Variants in BUB1B observed in about 807,000 individuals in gnomAD.
The protein encoded by BUB1B is mitotic checkpoint serine/threonine-protein kinase BUB1 beta.
Under a neutral mutation model 137.7 loss-of-function variants are expected in BUB1B, and 86 were observed. That is an observed-to-expected ratio of 0.62 (90% confidence interval 0.52 to 0.75). The LOEUF (loss-of-function observed/expected upper bound fraction) is 0.75. Among genes scored for constraint, BUB1B ranks in the 30% least tolerant of loss-of-function variants. The pLI, the probability that BUB1B is intolerant of heterozygous loss-of-function variation, is 0.00. For missense variants in BUB1B, 1,130 were observed against 1,236.9 expected, an observed-to-expected ratio of 0.91 and a Z score of 1.30; for synonymous variants, 420 against 417.9, an observed-to-expected ratio of 1.00 and a Z score of -0.06.
chr15:40,166,530 CG>C (rs1022795865), intron 2 of BUB1B: 2 of 280,600 alleles, frequency 7.1e-6, no homozygotes, highest in African/African-American at 4.7e-5. Context: ...TTAGTAGAGA[CG>C]GGGTTTCACC....
intron 9 of BUB1B, among the ~76,000 whole-genome samples, chr15:40,197,277 T>A (rs1436491810): frequency 6.6e-6 from 1 of 152,196 alleles, no homozygotes; most frequent in Non-Finnish European, 1.5e-5. Flanking sequence ...ATATTCGTAT[T>A]GTTTTTTAAA....
intron 22 of BUB1B, among the ~76,000 whole-genome samples, chr15:40,219,234 T>G (rs1195093583): frequency 6.6e-6 from 1 of 152,158 alleles, no homozygotes; most frequent in Admixed American, 6.5e-5. Flanking sequence ...ATAGCAATTA[T>G]TACCAAAAGT....
intron 4 of BUB1B, among the ~76,000 whole-genome samples, chr15:40,172,768 C>T (rs1013589024): frequency 5.9e-5 from 9 of 152,148 alleles, no homozygotes; most frequent in African/African-American, 2.2e-4. Context: ...ATCTTGATTT[C>T]CTCAGGACAT....
Position 40,221,121 on chromosome 15 carries a change from A to G in BUB1B, c.*362A>G, listed in dbSNP as rs1339198697. 3.2e-6 allele frequency: 1 copy of G among 313,888 alleles called. No homozygotes were observed. The highest frequency in any genetic ancestry group is 6.0e-6 in the Non-Finnish European group (1 of 166,294). The allele number at this position is 313,888 out of a possible 1,614,324, so 19.4% of individuals were successfully genotyped here. ...TGTAAATAATAAAATAGTATCTGTT[A>G]AATTTGTGCTTCTAACATGTCATGT... On this transcript the variant is annotated 3_prime_UTR_variant, in exon 23 of 23. Transcript: ENST00000287598.
At chr15:40,188,541 C>G (rs1014978115) in intron 8 of BUB1B, among the ~76,000 whole-genome samples, 6 of 151,476 alleles carry the variant, frequency 4.0e-5, no homozygotes, top group African/African-American at 1.5e-4. Flanking sequence ...GTAGCAGTAA[C>G]CATTATGCTT....
At chr15:40,219,537 G>A (rs1566831242) in intron 22 of BUB1B, among the ~76,000 whole-genome samples, 1 of 152,082 alleles carries the variant, frequency 6.6e-6, no homozygotes, top group Non-Finnish European at 1.5e-5. Flanking sequence ...GGGCAACATG[G>A]CGAAACCTTG....
At position 40,179,984 on chromosome 15, in the gene BUB1B, A is replaced by C. The variant is rs1014232651; in HGVS notation, c.581+3311A>C. 5.4e-4 allele frequency among the ~76,000 whole-genome samples: 80 copies of C among 147,992 alleles called. 2 individuals are homozygous for C. The highest frequency in any genetic ancestry group is 2.0e-3 in the African/African-American group (79 of 38,752). ...TCAAAAGCCATATATATATATATAT[A>C]TATATCTCTTAAATAACTTAGGAAA... On this transcript the variant is annotated intron_variant, in intron 5 of 22. Transcript: ENST00000287598.
At chr15:40,212,777 G>A in intron 19 of BUB1B, 129 bp downstream of exon 19, 1 of 886,260 alleles carries the variant, frequency 1.1e-6, no homozygotes, top group Non-Finnish European at 1.7e-6. Flanking sequence ...TAAGTTAGAA[G>A]CATTGATAAT....
At chr15:40,209,538 A>G (rs2037682566) in intron 16 of BUB1B, 97 bp from the exon 17 acceptor site, 1 of 1,434,114 alleles carries the variant, frequency 7.0e-7, no homozygotes, top group African/African-American at 1.5e-5. Flanking sequence ...TGACTGTGTA[A>G]TCTTGATTTT....
chr15:40,212,366 A>G (rs144125145), intron 18 of BUB1B, 133 bp from the exon 19 acceptor site: 2 of 696,818 alleles, frequency 2.9e-6, no homozygotes, highest in Non-Finnish European at 4.9e-6. Flanking sequence ...TGTGTCTTTT[A>G]TAGTAGATTT....
chr15:40,179,593 T>C (rs756248883), intron 5 of BUB1B, among the ~76,000 whole-genome samples: 2 of 152,190 alleles, frequency 1.3e-5, no homozygotes, highest in Non-Finnish European at 2.9e-5. Flanking sequence ...TTTGTTATGT[T>C]GAGACCATTT....
chr15:40,162,068 A>C (rs575980665), intron 1 of BUB1B, among the ~76,000 whole-genome samples: 1 of 152,210 alleles, frequency 6.6e-6, no homozygotes, highest in Non-Finnish European at 1.5e-5. Context: ...AAAAAAAATA[A>C]TAAAGCAACT....
rs748869091 is a variant in BUB1B, at chr15:40,165,075, G to A, written c.58G>A (p.Asp20Asn). The change falls in exon 2 of 23, where the codon GAT becomes AAT. Residue 20 changes from aspartate to asparagine, a missense_variant. Physicochemically the swap from Asp to Asn is conservative, Grantham distance 23 (BLOSUM62 1). Coordinates refer to ENST00000287598, the MANE Select transcript of BUB1B (RefSeq NM_001211.6). ...CAGTGAAGCCATGTCCCTGGAGGGA[G>A]ATGAATGGGAACTGAGTAAAGAAAA... ...ALSEAMSLEG[D>N]EWELSKENVQ... The A allele has an allele frequency of 2.5e-6, 4 of 1,614,172 alleles. No individual in the cohort carries two copies. Among genetic ancestry groups the A allele is most frequent in the Non-Finnish European group, 1.7e-6 (2 of 1,180,014 alleles).
rs553555716 is a variant in BUB1B, at chr15:40,170,542, T to A, written c.245T>A (p.Ile82Asn). 6.2e-7 allele frequency: 1 copy of A among 1,613,672 alleles called. No individual in the cohort carries two copies. Among genetic ancestry groups the A allele is most frequent in the South Asian group, 1.1e-5 (1 of 91,070 alleles). ...ATCTTTTTCCTCCCATTTAGGTATA[T>A]CAGCTGGACAGAGCAGAACTATCCT... ...NDPLDVWDRY[I>N]SWTEQNYPQG... Residue 82 changes from isoleucine to asparagine, a missense_variant, in exon 4 of 23, where the codon ATC (isoleucine) becomes AAC (asparagine). Coordinates refer to ENST00000287598, the MANE Select transcript of BUB1B (RefSeq NM_001211.6).
chr15:40,220,696 C>T lies in BUB1B; in HGVS notation c.3090C>T (p.His1030=). ...NGVFDTTFQS[H]LNKALWKVGK... is the part of the protein sequence containing the mutation. ...TTTTTGACACTACATTCCAAAGTCA[C>T]CTGAACAAAGCCTTATGGAAGGTAG... The change falls in exon 23 of 23, where the codon CAC becomes CAT. Residue 1030 remains histidine, a synonymous_variant. Transcript: ENST00000287598. 6.2e-7 allele frequency: 1 copy of T among 1,614,168 alleles called. No individual in the cohort carries two copies. Among genetic ancestry groups the T allele is most frequent in the Non-Finnish European group, 8.5e-7 (1 of 1,180,038 alleles).
At chr15:40,170,905 G>A (rs150899705) in intron 4 of BUB1B, among the ~76,000 whole-genome samples, 241 of 152,266 alleles carry the variant, frequency 1.6e-3, no homozygotes, top group South Asian at 3.5e-3. Context: ...TGATCGCAAA[G>A]TCTGTAGATC....
intron 14 of BUB1B, among the ~76,000 whole-genome samples, chr15:40,205,193 C>G (rs2037623200): frequency 6.6e-6 from 1 of 152,050 alleles, no homozygotes; most frequent in South Asian, 2.1e-4. Context: ...GTGATCCACC[C>G]AACTCAGCGT....
rs1454567460 is a variant in BUB1B at position 40,170,601 on chromosome 15, T to C, written c.304T>C (p.Leu102=). The change falls in exon 4 of 23, where the codon TTA becomes CTA. Residue 102 remains leucine, a synonymous_variant. Coordinates refer to ENST00000287598, the MANE Select transcript of BUB1B (RefSeq NM_001211.6). ...GGKESNMSTL[L]ERAVEALQGE... ...GAAGGAGAGTAATATGTCAACGTTA[T>C]TAGAAAGAGCTGTAGAAGCACTACA... 12 of 1,612,976 alleles carry C rather than the reference T, an allele frequency of 7.4e-6. No individual in the cohort carries two copies. The highest frequency in any genetic ancestry group is 8.5e-7 in the Non-Finnish European group (1 of 1,179,090).
In BUB1B at chr15:40,195,987, T is replaced by G. The variant is rs906193772; in HGVS notation, c.1059-558T>G. Among the ~76,000 whole-genome samples, 6 of 152,174 alleles carry G rather than the reference T, an allele frequency of 3.9e-5. No individual in the cohort carries two copies. The South Asian group carries it at 1.0e-3, about 26-fold the overall frequency. ...TGTGCAGAAGCTTTTTAGTTTAGTT[T>G]AGCCCCATCTAATTATCTTTGTTTT... is the stretch of plus-strand genomic sequence containing the variant. On this transcript the variant is annotated intron_variant, in intron 8 of 22. Coordinates refer to ENST00000287598, the MANE Select transcript of BUB1B (RefSeq NM_001211.6).
Sources: gnomAD v4.1 joint callset for allele counts (sites outside exome capture counted in the v4.1 genomes callset) on GRCh38, gnomAD v4.1.1 for gene constraint, MANE v1.5 for transcripts, NCBI Gene and HGNC (gene_info 2026-07-23, HGNC 2026-07-21) for gene names.